The following HTR2C variants were observed in gnomAD, a reference collection of about 807,000 sequenced individuals.
HTR2C encodes the protein 5-hydroxytryptamine (serotonin) receptor 2C, G protein-coupled.
Under a neutral mutation model 21.0 loss-of-function variants are expected in HTR2C, and 5 were observed. The observed-to-expected ratio is 0.24, with a 90% CI of 0.12 to 0.50. The LOEUF (loss-of-function observed/expected upper bound fraction) is 0.50. Ranked by LOEUF, HTR2C falls within the 20% of genes least tolerant of loss-of-function variation. HTR2C has a pLI of 0.98. For missense variants in HTR2C, 271 were observed against 371.2 expected, an observed-to-expected ratio of 0.73 and a Z score of 2.22; for synonymous variants, 150 against 145.3, an observed-to-expected ratio of 1.03 and a Z score of -0.23.
intron 1 of HTR2C, chrX:114,589,784 C>T (rs187246664): frequency 6.8e-5 from 20 of 293,430 alleles, no homozygotes; most frequent in African/African-American, 2.2e-4. Context: ...GCCAATTTTT[C>T]GGAAAAAAGC....
intron 4 of HTR2C, among the ~76,000 whole-genome samples, chrX:114,736,522 G>GC: frequency 8.9e-6 from 1 of 111,885 alleles, no homozygotes; most frequent in African/African-American, 3.2e-5. Context: ...GAATATCTCT[G>GC]CATCCAATAA....
chrX:114,825,796 C>G (rs2070673082), intron 4 of HTR2C, among the ~76,000 whole-genome samples: 1 of 111,055 alleles, frequency 9.0e-6, no homozygotes, highest in South Asian at 3.8e-4. Flanking sequence ...AATTTTGAAG[C>G]CCTGTTATTA....
At chrX:114,821,286 A>G (rs2070630737) in intron 4 of HTR2C, among the ~76,000 whole-genome samples, 1 of 111,383 alleles carries the variant, frequency 9.0e-6, no homozygotes, top group Non-Finnish European at 1.9e-5. Context: ...AAAGCTGTAG[A>G]TGGTGTCTCT....
At chrX:114,644,365 A>AAAT (rs1930268473) in intron 2 of HTR2C, among the ~76,000 whole-genome samples, 2 of 39,025 alleles carry the variant, frequency 5.1e-5, no homozygotes, top group African/African-American at 1.3e-4. Flanking sequence ...ATAAATAAAT[A>AAAT]TATATATATA....
intron 5 of HTR2C, among the ~76,000 whole-genome samples, chrX:114,874,948 C>T (rs1003905977): frequency 9.0e-6 from 1 of 111,449 alleles, no homozygotes; most frequent in East Asian, 2.8e-4. Context: ...GATATTCATA[C>T]CTATATTTGT....
chrX:114,796,829 G>A (rs782463036), intron 4 of HTR2C, among the ~76,000 whole-genome samples: 1 of 111,323 alleles, frequency 9.0e-6, no homozygotes, highest in Admixed American at 9.6e-5. Flanking sequence ...AAAAGCTACT[G>A]TTATCTGAGG....
At chrX:114,795,646 G>C (rs2070285144) in intron 4 of HTR2C, among the ~76,000 whole-genome samples, 1 of 111,492 alleles carries the variant, frequency 9.0e-6, no homozygotes, top group South Asian at 3.7e-4. Flanking sequence ...TCTTGTTTTT[G>C]TCAGGTTTAT....
At position 114,726,895 on chromosome X, in the gene HTR2C, C is replaced by G; in HGVS notation, c.-42C>G. On this transcript the variant is annotated 5_prime_UTR_variant, in exon 3 of 6. Coordinates refer to ENST00000276198, the MANE Select transcript of HTR2C (RefSeq NM_000868.4). ...GATGAACCTAGCCTGTTAATTTCGTCTTCTCAATTTTAAACTTTGGTTGCT... is the reference window on the plus strand; with the variant it reads ...GATGAACCTAGCCTGTTAATTTCGTGTTCTCAATTTTAAACTTTGGTTGCT... 1.0e-6 allele frequency: 1 copy of G among 967,266 alleles called. No homozygotes were observed. Among genetic ancestry groups the G allele is most frequent in the African/African-American group, 2.0e-5 (1 of 50,381 alleles). 79.7% of individuals were successfully genotyped at this position (967,266 alleles called of 1,213,427 possible).
At chrX:114,593,686 A>G (rs1467887125) in intron 1 of HTR2C, among the ~76,000 whole-genome samples, 1 of 28,919 alleles carries the variant, frequency 3.5e-5, no homozygotes, top group East Asian at 0.011. Flanking sequence ...GCAAATTTGG[A>G]GTTAACTAGA....
At chrX:114,644,362 A>AATAAATAAAT (rs1411395120) in intron 2 of HTR2C, among the ~76,000 whole-genome samples, 10 of 38,248 alleles carry the variant, frequency 2.6e-4, no homozygotes, top group East Asian at 8.0e-4. Context: ...TAAATAAATA[A>AATAAATAAAT]ATATATATAT....
chrX:114,727,537 G>T (rs1556422343), intron 3 of HTR2C, among the ~76,000 whole-genome samples: 1 of 111,667 alleles, frequency 9.0e-6, no homozygotes. Context: ...TTCTAAATTT[G>T]ATCTAATCCA....
intron 5 of HTR2C, among the ~76,000 whole-genome samples, chrX:114,865,878 C>T (rs2071041661): frequency 9.0e-6 from 1 of 110,893 alleles, no homozygotes. Context: ...TGCAGTGGTA[C>T]AGTCTCAGCT....
At chrX:114,706,651 G>A (rs982023910) in intron 2 of HTR2C, among the ~76,000 whole-genome samples, 69 of 104,436 alleles carry the variant, frequency 6.6e-4, no homozygotes, top group African/African-American at 1.3e-3. Context: ...CATGGCACAT[G>A]TATACATATG....
At chrX:114,723,527 CTGATT>C (rs1429463803) in intron 2 of HTR2C, among the ~76,000 whole-genome samples, 2 of 109,716 alleles carry the variant, frequency 1.8e-5, no homozygotes, top group East Asian at 5.7e-4. Context: ...CAGTTCTGCT[CTGATT>C]TAAGTTATTT....
intron 4 of HTR2C, among the ~76,000 whole-genome samples, chrX:114,837,626 C>A (rs1218229343): frequency 9.1e-6 from 1 of 110,131 alleles, no homozygotes; most frequent in Non-Finnish European, 1.9e-5. Flanking sequence ...TTGTATCCAG[C>A]CAGACTATTA....
At chrX:114,860,878 A>G (rs1431770383) in intron 5 of HTR2C, among the ~76,000 whole-genome samples, 3 of 111,116 alleles carry the variant, frequency 2.7e-5, no homozygotes, top group African/African-American at 9.8e-5. Context: ...TTCTGTCACT[A>G]TGCTCTAGCT....
intron 2 of HTR2C, among the ~76,000 whole-genome samples, chrX:114,664,412 C>T (rs1931102902): frequency 9.0e-6 from 1 of 111,469 alleles, no homozygotes; most frequent in East Asian, 2.9e-4. Context: ...TTGTTTCCAC[C>T]CATGTGTCCA....
chrX:114,670,394 C>CA (rs35858180), intron 2 of HTR2C, among the ~76,000 whole-genome samples: 94 of 63,483 alleles, frequency 1.5e-3, no homozygotes, highest in South Asian at 9.6e-3. Context: ...TACTCTGTCT[C>CA]AAAAAAAAAA....
At chrX:114,639,059 C>G (rs1278589634) in intron 2 of HTR2C, among the ~76,000 whole-genome samples, 1 of 111,197 alleles carries the variant, frequency 9.0e-6, no homozygotes, top group Non-Finnish European at 1.9e-5. Context: ...CCTTAATGAT[C>G]TCGAATATTT....
Sources: gnomAD v4.1 joint callset for allele counts (sites outside exome capture counted in the v4.1 genomes callset) on GRCh38, gnomAD v4.1.1 for gene constraint, MANE v1.5 for transcripts, NCBI Gene and HGNC (gene_info 2026-07-23, HGNC 2026-07-21) for gene names.